Variants in MST1R observed in about 807,000 individuals in gnomAD.
MST1R encodes macrophage stimulating 1 receptor, also known as macrophage-stimulating protein receptor.
Under a neutral mutation model 117.8 loss-of-function variants are expected in MST1R, and 99 were observed. That is an observed-to-expected ratio of 0.84 (90% CI 0.71 to 0.99). MST1R has a LOEUF of 0.99. MST1R is among the 50% of genes least tolerant of loss of function. The pLI, the probability that MST1R is intolerant of heterozygous loss-of-function variation, is 0.00. For missense variants in MST1R, 1,683 were observed against 1,840.2 expected (o/e 0.91, Z 1.56); for synonymous variants, 734 against 765.3 (o/e 0.96, Z 0.68).
In MST1R at chr3:49,897,364, G is replaced by T; in HGVS notation, c.2099C>A (p.Thr700Asn). Reference protein sequence around the residue: ...QPLFGPRAGGTCLTLEGQSLS... With the variant: ...QPLFGPRAGGNCLTLEGQSLS... ...ACTCTGGCCTTCAAGAGTGAGACAG[G>T]TGCCTCCTGCCCGTGGGCCAAAGAG... The change falls in exon 7 of 20, where the codon ACC becomes AAC. Residue 700 changes from threonine to asparagine, a missense_variant. Transcript: ENST00000296474. 1 of 1,613,962 alleles carries T rather than the reference G, an allele frequency of 6.2e-7. No individual in the cohort carries two copies. Among genetic ancestry groups the T allele is most frequent in the Non-Finnish European group, 8.5e-7 (1 of 1,179,968 alleles).
chr3:49,897,896 G>A, intron 5 of MST1R, 155 bp downstream of exon 5: 1 of 1,191,152 alleles, frequency 8.4e-7, no homozygotes, highest in Non-Finnish European at 1.2e-6. Flanking sequence ...GCTCAAAAAG[G>A]GACAGAGACC....
chr3:49,890,604 G>C lies in MST1R; in HGVS notation c.3691C>G (p.Arg1231Gly). ...TVKVADFGLA[R>G]DILDREYYSV... ...TAGTACTCCCTGTCCAGGATGTCGC[G>C]GGCCAAACCAAAGTCAGCCACCTTG... Residue 1231 changes from arginine (R) to glycine (G), a missense_variant, in exon 18 of 20, where the codon CGC (arginine) becomes GGC (glycine). Coordinates refer to ENST00000296474, the MANE Select transcript of MST1R (RefSeq NM_002447.4). The C allele has an allele frequency of 3.1e-6, 5 of 1,613,902 alleles. No homozygotes were observed. The highest frequency in any genetic ancestry group is 1.1e-5 in the South Asian group (1 of 91,062).
chr3:49,887,193 G>A lies in MST1R; in HGVS notation c.*114C>T, dbSNP rs2082188590. 2 of 1,459,406 alleles carry A rather than the reference G, an allele frequency of 1.4e-6. No individual in the cohort carries two copies. The highest frequency in any genetic ancestry group is 1.4e-5 in the African/African-American group (1 of 71,102). The allele number at this position is 1,459,406 out of a possible 1,614,324, so 90.4% of individuals were successfully genotyped here. A position where few individuals can be genotyped will look rare whatever the true frequency, so the allele number is the denominator to read the frequency against. ...TGGGCCCCATTTACCTATTGCCTCT[G>A]AAAGTTAAAGGGCAGGAACAAGGTG... On this transcript the variant is annotated 3_prime_UTR_variant, in exon 20 of 20. Transcript: ENST00000296474.
intron 1 of MST1R, 102 bp from the exon 2 acceptor site, chr3:49,899,365 C>T: frequency 7.7e-7 from 1 of 1,301,634 alleles, no homozygotes; most frequent in Non-Finnish European, 1.1e-6. Flanking sequence ...TCTCACCCCT[C>T]ACCTGGCCTG....
In MST1R at chr3:49,903,057, G is replaced by A. The variant is rs55633379; in HGVS notation, c.553C>T (p.Arg185Cys). Residue 185 changes from arginine (R) to cysteine (C), a missense_variant, in exon 1 of 20, where the codon CGT (arginine) becomes TGT (cysteine). Transcript: ENST00000296474. Reference sequence around the variant, plus strand: ...TGGCCTTGCTCAACCACAGTTACACGGGTGCCCAATGGGCTGGCCACACAG... The same window carrying A: ...TGGCCTTGCTCAACCACAGTTACACAGGTGCCCAATGGGCTGGCCACACAG... ...PDCVASPLGTRVTVVEQGQAS... is the reference protein window; with the variant it reads ...PDCVASPLGTCVTVVEQGQAS... 71 of 1,610,560 alleles carry A rather than the reference G, an allele frequency of 4.4e-5. No individual in the cohort carries two copies. Among genetic ancestry groups the A allele is most frequent in the African/African-American group, 5.3e-5 (4 of 75,074 alleles).
chr3:49,888,760 C>A (rs2082233112), intron 19 of MST1R, among the ~76,000 whole-genome samples: 3 of 152,206 alleles, frequency 2.0e-5, no homozygotes, highest in Admixed American at 2.0e-4. Flanking sequence ...CTCTACCCTA[C>A]ACACAATATC....
chr3:49,887,969 G>A (rs2082211483), intron 19 of MST1R, among the ~76,000 whole-genome samples: 1 of 152,220 alleles, frequency 6.6e-6, no homozygotes, highest in African/African-American at 2.4e-5. Context: ...CTTCCAGGAA[G>A]GAAGCCTGGG....
rs199940178 is a variant in MST1R, at chr3:49,899,131, G to A, written c.1363C>T (p.Arg455Cys). ...TGTGCCACTGTGACGTTGTCAAGGC[G>A]TGTCACATACAATGCAGTGACCTGT... ...PVQVTALYVT[R>C]LDNVTVAHMG... Residue 455 changes from arginine (R) to cysteine (C), a missense_variant, in exon 2 of 20, where the codon CGC becomes TGC. Coordinates refer to ENST00000296474, the MANE Select transcript of MST1R (RefSeq NM_002447.4). The A allele has an allele frequency of 6.6e-5, 107 of 1,614,148 alleles. No homozygotes were observed. The highest frequency in any genetic ancestry group is 3.3e-4 in the Middle Eastern group (2 of 6,062).
In MST1R at chr3:49,895,356, C is replaced by T. The variant is rs756762750; in HGVS notation, c.3082G>A (p.Gly1028Ser). ...RSGLALPAID[G>S]LDSTTCVHGA... The stretch of plus-strand genomic sequence containing the variant: ...TGGACACAAGTGGTGGAATCCAGAC[C>T]ATCAATGGCAGGGAGTGCTGTGGGG... The change falls in exon 14 of 20, where the codon GGT becomes AGT. Residue 1028 changes from glycine to serine, a missense_variant. Coordinates refer to ENST00000296474, the MANE Select transcript of MST1R (RefSeq NM_002447.4). The T allele has an allele frequency of 8.7e-6, 14 of 1,614,098 alleles. No individual in the cohort carries two copies. The highest frequency in any genetic ancestry group is 2.2e-5 in the South Asian group (2 of 91,092).
At position 49,898,681 on chromosome 3, in the gene MST1R, T is replaced by C. The variant is rs1413965501; in HGVS notation, c.1556A>G (p.Gln519Arg). Reference protein sequence around the residue: ...LLFASGDQVFQVPIQGPGCRH... With the variant: ...LLFASGDQVFRVPIQGPGCRH... The stretch of plus-strand genomic sequence containing the variant: ...GCAGCCAGGGCCTTGGATAGGTACC[T>C]GGAAAACCTGTGGGTGAAAGACAGG... Residue 519 changes from glutamine to arginine, a missense_variant, in exon 4 of 20, where the codon CAG becomes CGG. Physicochemically the swap from Gln to Arg is conservative, Grantham distance 43. Coordinates refer to ENST00000296474, the MANE Select transcript of MST1R (RefSeq NM_002447.4). 1 of 1,613,960 alleles carries C rather than the reference T, an allele frequency of 6.2e-7. No homozygotes were observed. Among genetic ancestry groups the C allele is most frequent in the Non-Finnish European group, 8.5e-7 (1 of 1,179,960 alleles).
Position 49,903,725 on chromosome 3 carries a change from G to A in MST1R, c.-116C>T. On this transcript the variant is annotated 5_prime_UTR_variant, in exon 1 of 20. Transcript: ENST00000296474. ...TGGGCCAAATTTAAGCAGCGGTCCCGACAGCCCCAAGATAGCGGACCCCCG... is the reference window on the plus strand; with the variant it reads ...TGGGCCAAATTTAAGCAGCGGTCCCAACAGCCCCAAGATAGCGGACCCCCG... 2 of 1,383,074 alleles carry A rather than the reference G, an allele frequency of 1.4e-6. No individual in the cohort carries two copies. Among genetic ancestry groups the A allele is most frequent in the South Asian group, 1.4e-5 (1 of 69,546 alleles). 85.7% of individuals were successfully genotyped at this position (1,383,074 alleles called of 1,614,324 possible). A position where few individuals can be genotyped will look rare whatever the true frequency, so the allele number is the denominator to read the frequency against.
At chr3:49,888,223 T>A (rs982146782) in intron 19 of MST1R, among the ~76,000 whole-genome samples, 5 of 149,228 alleles carry the variant, frequency 3.4e-5, no homozygotes, top group African/African-American at 1.2e-4. Context: ...GATCACGAGG[T>A]CAGGAGATCG....
Position 49,895,713 on chromosome 3 carries a change from A to G in MST1R, c.2962+2T>C, listed in dbSNP as rs1440929075. On this transcript the variant is annotated splice_donor_variant, in intron 12 of 19. Coordinates refer to ENST00000296474, the MANE Select transcript of MST1R (RefSeq NM_002447.4). LOFTEE classifies it high-confidence loss of function. ...GATTAAAGGTAGGAGCAGAGAACTCACCTAGCTGCTTCCTCCGCCACCAGT... is the reference window on the plus strand; with the variant it reads ...GATTAAAGGTAGGAGCAGAGAACTCGCCTAGCTGCTTCCTCCGCCACCAGT... The G allele has an allele frequency of 5.6e-6, 9 of 1,611,908 alleles. No homozygotes were observed. Among genetic ancestry groups the G allele is most frequent in the Non-Finnish European group, 6.8e-6 (8 of 1,179,958 alleles).
chr3:49,890,100 A>T lies in MST1R; in HGVS notation c.3811-40T>A, dbSNP rs376991535. 3.9e-6 allele frequency: 6 copies of T among 1,547,556 alleles called. No homozygotes were observed. In the South Asian group the frequency reaches 5.1e-5, roughly 13 times the overall value. ...AGGTGAGGGGACTCAACTCACCCCAAATTTGGGGGCAGGTGGGTCCCCCAG... is the reference window on the plus strand; with the variant it reads ...AGGTGAGGGGACTCAACTCACCCCATATTTGGGGGCAGGTGGGTCCCCCAG... On this transcript the variant is annotated intron_variant, in intron 18 of 19. Coordinates refer to ENST00000296474, the MANE Select transcript of MST1R (RefSeq NM_002447.4).
Position 49,902,914 on chromosome 3 carries a change from A to C in MST1R, c.696T>G (p.Phe232Leu). 1 of 1,613,472 alleles carries C rather than the reference A, an allele frequency of 6.2e-7. No individual in the cohort carries two copies. The highest frequency in any genetic ancestry group is 1.3e-5 in the African/African-American group (1 of 75,084). The change falls in exon 1 of 20, where the codon TTT becomes TTG. Residue 232 changes from phenylalanine (F) to leucine (L), a missense_variant. Physicochemically the swap from Phe to Leu is conservative, Grantham distance 22 (BLOSUM62 0). Transcript: ENST00000296474. ...KADASGFAPG[F>L]VALSVLPKHL... ...GCTTGGGCAGCACTGACAACGCCAC[A>C]AAGCCCGGTGCGAATCCCGAGGCGT...
At chr3:49,890,361 ATGGGCTGT>A in intron 18 of MST1R, 116 bp downstream of exon 18, 1 of 1,074,100 alleles carries the variant, frequency 9.3e-7, no homozygotes, top group Non-Finnish European at 1.3e-6. Context: ...AGGTGAGCAG[ATGGGCTGT>A]GGGGGTCATC....
At chr3:49,898,789 G>A in intron 3 of MST1R, 78 bp downstream of exon 3, 1 of 1,607,374 alleles carries the variant, frequency 6.2e-7, no homozygotes, top group South Asian at 1.1e-5. Context: ...GGGCCTGTAT[G>A]TCAATGCCTC....
rs200621478 is a variant in MST1R, at chr3:49,891,593, G to C, written c.3353-13C>G. On this transcript the variant is annotated splice_polypyrimidine_tract_variant and intron_variant, in intron 15 of 19. Transcript: ENST00000296474. ...ATCTCTGTGATGCCTGCAGAGCAGC[G>C]CAAGTCAGGCACAGGGCAGGGCGTC... 1 of 1,613,334 alleles carries C rather than the reference G, an allele frequency of 6.2e-7. No homozygotes were observed. The highest frequency in any genetic ancestry group is 8.5e-7 in the Non-Finnish European group (1 of 1,179,636).
intron 4 of MST1R, 72 bp from the exon 5 acceptor site, chr3:49,898,283 TCTCCTGCCATA>T: frequency 6.3e-7 from 1 of 1,581,996 alleles, no homozygotes; most frequent in Non-Finnish European, 8.6e-7. Flanking sequence ...TTCCCCAAAG[TCTCCTGCCATA>T]CCCCTTGCCT....
Sources: gnomAD v4.1 joint callset for allele counts (sites outside exome capture counted in the v4.1 genomes callset) on GRCh38, gnomAD v4.1.1 for gene constraint, MANE v1.5 for transcripts, NCBI Gene and HGNC (gene_info 2026-07-23, HGNC 2026-07-21) for gene names.